Variants in PTH2R observed in about 807,000 individuals in gnomAD.
The protein encoded by PTH2R is parathyroid hormone 2 receptor.
A neutral mutation model predicts 60.3 loss-of-function variants in PTH2R; 59 were observed. The observed-to-expected ratio is 0.98, with a 90% CI of 0.79 to 1.22. The LOEUF is 1.22. PTH2R is among the 50% of genes most tolerant of loss of function. The pLI, the probability that PTH2R is intolerant of heterozygous loss-of-function variation, is 0.00. For synonymous variants in PTH2R, 256 were observed against 243.8 expected, an observed-to-expected ratio of 1.05 and a Z score of -0.47; for missense variants, 749 against 682.6, an observed-to-expected ratio of 1.10 and a Z score of -1.08.
At position 208,494,089 on chromosome 2, in the gene PTH2R, A is replaced by G. The variant is rs1329593497; in HGVS notation, c.*430A>G. 6.5e-6 allele frequency: 1 copy of G among 153,422 alleles called. No individual in the cohort carries two copies. Among genetic ancestry groups the G allele is most frequent in the Non-Finnish European group, 1.5e-5 (1 of 68,942 alleles). 9.5% of individuals were successfully genotyped at this position (153,422 alleles called of 1,614,324 possible). On this transcript the variant is annotated 3_prime_UTR_variant, in exon 13 of 13. Coordinates refer to ENST00000272847, the MANE Select transcript of PTH2R (RefSeq NM_005048.4). The stretch of plus-strand genomic sequence containing the variant: ...TTAATGTACTTCTATCACTGCATTT[A>G]TTTTGCCTGTGCATAGGAGCAATTA...
At chr2:208,475,641 A>G (rs1401631031) in intron 9 of PTH2R, among the ~76,000 whole-genome samples, 1 of 152,242 alleles carries the variant, frequency 6.6e-6, no homozygotes, top group African/African-American at 2.4e-5. Context: ...TTTGACCTTT[A>G]AATAACCCTC....
At position 208,399,120 on chromosome 2, in the gene PTH2R, A is replaced by G. The variant is rs193010995; in HGVS notation, c.-258-29081A>G. ...CATCTCTTAGTTTCCCCTATCACCC[A>G]GAAACCTGTGAATTCTAAGTTTATT... On this transcript the variant is annotated intron_variant, in intron 1 of 12. Transcript: ENST00000617735. Among the ~76,000 whole-genome samples the G allele has an allele frequency of 1.6e-4, 24 of 152,354 alleles. No homozygotes were observed. In the East Asian group the frequency reaches 4.6e-3, roughly 29 times the overall value.
Position 208,493,667 on chromosome 2 carries a change from T to C in PTH2R, c.*8T>C. 6.5e-7 allele frequency: 1 copy of C among 1,533,180 alleles called. No individual in the cohort carries two copies. The highest frequency in any genetic ancestry group is 8.8e-7 in the Non-Finnish European group (1 of 1,136,296). 95.0% of individuals were successfully genotyped at this position (1,533,180 alleles called of 1,614,324 possible). A position where few individuals can be genotyped will look rare whatever the true frequency, so the allele number is the denominator to read the frequency against. ...ACTGAGGATGTTCTCTGAATGGACA[T>C]TTGTGGCTGACTTTCATGGGCTGGT... On this transcript the variant is annotated 3_prime_UTR_variant, in exon 13 of 13. Transcript: ENST00000272847.
At chr2:208,447,543 G>A (rs183638503) in intron 7 of PTH2R, among the ~76,000 whole-genome samples, 5 of 150,368 alleles carry the variant, frequency 3.3e-5, no homozygotes, top group East Asian at 2.0e-4. Flanking sequence ...AGCTGAGATC[G>A]CGCCACTGCA....
At chr2:208,431,205 T>G (rs1701964911) in intron 2 of PTH2R, among the ~76,000 whole-genome samples, 1 of 152,240 alleles carries the variant, frequency 6.6e-6, no homozygotes. Flanking sequence ...CTAACAACTG[T>G]TCAATCCATC....
intron 1 of PTH2R, among the ~76,000 whole-genome samples, chr2:208,386,936 G>T (rs1352131373): frequency 1.3e-5 from 2 of 152,096 alleles, no homozygotes; most frequent in East Asian, 3.8e-4. Flanking sequence ...TAACAGGTAA[G>T]GTAGAAAATC....
intron 1 of PTH2R, among the ~76,000 whole-genome samples, chr2:208,379,404 T>G (rs1156238571): frequency 6.6e-6 from 1 of 152,100 alleles, no homozygotes; most frequent in African/African-American, 2.4e-5. Flanking sequence ...AATAATTAAT[T>G]CAGCCTGTAT....
At chr2:208,441,955 A>C (rs1478241980) in intron 4 of PTH2R, among the ~76,000 whole-genome samples, 1 of 152,230 alleles carries the variant, frequency 6.6e-6, no homozygotes, top group Non-Finnish European at 1.5e-5. Flanking sequence ...AATAATTGAA[A>C]AGGAATGAAC....
At chr2:208,420,257 C>A (rs1411910776) in intron 1 of PTH2R, among the ~76,000 whole-genome samples, 2 of 149,840 alleles carry the variant, frequency 1.3e-5, no homozygotes, top group Non-Finnish European at 3.0e-5. Flanking sequence ...GCACATTGTG[C>A]ACATGTACCC....
intron 9 of PTH2R, among the ~76,000 whole-genome samples, chr2:208,473,564 T>C (rs2105898929): frequency 6.6e-6 from 1 of 152,310 alleles, no homozygotes; most frequent in East Asian, 1.9e-4. Flanking sequence ...AGGCTAGTTG[T>C]GTTTCATGTG....
chr2:208,477,495 T>G (rs1249121769), intron 9 of PTH2R, among the ~76,000 whole-genome samples: 1 of 151,954 alleles, frequency 6.6e-6, no homozygotes, highest in Non-Finnish European at 1.5e-5. Context: ...GACTACATAT[T>G]GGGTACAGTG....
intron 2 of PTH2R, among the ~76,000 whole-genome samples, chr2:208,429,027 G>A (rs962910345): frequency 2.6e-4 from 39 of 151,796 alleles, no homozygotes; most frequent in Admixed American, 5.9e-4. Flanking sequence ...GGAGGTTGCG[G>A]TGAGCTGAGA....
rs753218963 is a variant in PTH2R, at chr2:208,444,832, T to C, written c.798T>C (p.Phe266=). ...VEGLYLHNLI[F]VAFFSDTKYL... is the part of the protein sequence containing the mutation. ...GTCTCTACCTGCATAATCTCATCTT[T>C]GTGGCTTTCTTTTCGGACACCAAAT... The change falls in exon 7 of 13, where the codon TTT becomes TTC. Residue 266 remains phenylalanine, a synonymous_variant. Transcript: ENST00000272847. 1 of 1,614,052 alleles carries C rather than the reference T, an allele frequency of 6.2e-7. No individual in the cohort carries two copies. The highest frequency in any genetic ancestry group is 2.2e-5 in the East Asian group (1 of 44,858).
At chr2:208,442,747 A>C (rs1361317779) in intron 5 of PTH2R, among the ~76,000 whole-genome samples, 1 of 152,212 alleles carries the variant, frequency 6.6e-6, no homozygotes, top group East Asian at 1.9e-4. Flanking sequence ...TGAGTTCCCG[A>C]GAGATTTTGG....
chr2:208,386,226 C>T (rs796275999), intron 1 of PTH2R, among the ~76,000 whole-genome samples: 8 of 152,320 alleles, frequency 5.3e-5, no homozygotes, highest in Admixed American at 1.3e-4. Flanking sequence ...AGACATCTCA[C>T]ATAACTCTCA....
chr2:208,436,315 G>A (rs1702074018), intron 2 of PTH2R, among the ~76,000 whole-genome samples: 2 of 152,134 alleles, frequency 1.3e-5, no homozygotes, highest in African/African-American at 2.4e-5. Context: ...GAGTGAGAGG[G>A]CAGACCCTAT....
At chr2:208,400,269 TG>T (rs1279088942) in intron 1 of PTH2R, among the ~76,000 whole-genome samples, 1 of 152,190 alleles carries the variant, frequency 6.6e-6, no homozygotes, top group African/African-American at 2.4e-5. Flanking sequence ...TTCTTCAAAA[TG>T]TAAGTGGTAG....
chr2:208,432,106 T>A (rs1701984820), intron 2 of PTH2R, among the ~76,000 whole-genome samples: 1 of 152,182 alleles, frequency 6.6e-6, no homozygotes, highest in African/African-American at 2.4e-5. Context: ...CATGAAAAAA[T>A]TTGAAAGCAT....
At chr2:208,402,367 T>C (rs1701325423), upstream of PTH2R, among the ~76,000 whole-genome samples, 1 of 152,232 alleles carries the variant, frequency 6.6e-6, no homozygotes, top group Non-Finnish European at 1.5e-5. Context: ...TCATATAAAT[T>C]CTTTAGGAGA....
Sources: allele counts gnomAD v4.1 joint callset (sites outside exome capture counted in the v4.1 genomes callset), GRCh38; gene constraint gnomAD v4.1.1; transcripts MANE v1.5; gene names NCBI Gene and HGNC (gene_info 2026-07-23, HGNC 2026-07-21).